The following THY1 variants were observed in gnomAD, a reference collection of about 807,000 sequenced individuals.
THY1 encodes the protein thy-1 membrane glycoprotein.
THY1 carries 10 observed loss-of-function variants against 14.9 expected under a neutral mutation model. That is an observed-to-expected ratio of 0.67 (90% confidence interval 0.41 to 1.14). The LOEUF (loss-of-function observed/expected upper bound fraction) is 1.14. THY1 is among the 50% of genes most tolerant of loss of function. THY1 has a pLI of 0.00. For synonymous variants in THY1, 80 were observed against 90.0 expected, an observed-to-expected ratio of 0.89 and a Z score of 0.63; for missense variants, 159 against 202.1, an observed-to-expected ratio of 0.79 and a Z score of 1.29.
At position 119,418,458 on chromosome 11, in the gene THY1, G is replaced by A. The variant is rs531144321; in HGVS notation, c.*950C>T. ...AGGGGCTGGCACTGATGGGCGAGGG[G>A]AGGAAGTGCCTCCCTTAGAAACTTG... On this transcript the variant is annotated 3_prime_UTR_variant, in exon 4 of 4. Transcript: ENST00000284240. 2 of 152,358 alleles carry A rather than the reference G, an allele frequency of 1.3e-5. No homozygotes were observed. The highest frequency in any genetic ancestry group is 2.9e-5 in the Non-Finnish European group (2 of 68,168). 9.4% of individuals were successfully genotyped at this position (152,358 alleles called of 1,614,324 possible).
Position 119,419,512 on chromosome 11 carries a change from C to T in THY1, c.382G>A (p.Val128Ile). 1 of 1,613,026 alleles carries T rather than the reference C, an allele frequency of 6.2e-7. No individual in the cohort carries two copies. Among genetic ancestry groups the T allele is most frequent in the South Asian group, 1.1e-5 (1 of 91,016 alleles). Residue 128 changes from valine (V) to isoleucine (I), a missense_variant, in exon 4 of 4, where the codon GTC becomes ATC. Physicochemically the swap from Val to Ile is conservative, Grantham distance 29. Coordinates refer to ENST00000284240, the MANE Select transcript of THY1 (RefSeq NM_006288.5). ...QNVTVLRDKL[V>I]KCEGISLLAQ... ...AGCAGGCTGATGCCCTCACACTTGA[C>T]CAGTTTGTCTGCAGAAAGAGAAGGG...
rs1217139031 is a variant in THY1, at chr11:119,422,293, G to A, written c.-25+820C>T. On this transcript the variant is annotated intron_variant, in intron 1 of 3. Transcript: ENST00000284240. The surrounding 1 kb of genome is among the most constrained non-coding windows in gnomAD (Gnocchi z 7.0). ...GCTTTTGAATCGAGGACTCTTGTTT[G>A]AGATGTTGTGCGGGCTTGGGATCTA... 1 of 152,478 alleles carries A rather than the reference G, an allele frequency of 6.6e-6. No homozygotes were observed. The highest frequency in any genetic ancestry group is 2.4e-5 in the African/African-American group (1 of 41,466). 9.4% of individuals were successfully genotyped at this position (152,478 alleles called of 1,614,324 possible). A position where few individuals can be genotyped will look rare whatever the true frequency, so the allele number is the denominator to read the frequency against.
At chr11:119,423,616 G>T (rs180930657), upstream of THY1, 723 of 198,786 alleles carry the variant, frequency 3.6e-3, 7 homozygotes, top group African/African-American at 0.016. Context: ...CTCCTCCGGA[G>T]CCTCCAGTGA....
intron 1 of THY1, 65 bp from the exon 2 acceptor site, chr11:119,420,994 C>T: frequency 3.3e-6 from 5 of 1,505,026 alleles, no homozygotes; most frequent in Non-Finnish European, 4.6e-6. Flanking sequence ...GCTGGGGGTC[C>T]CTGGGAACAT....
At chr11:119,421,005 G>A in intron 1 of THY1, 76 bp from the exon 2 acceptor site, 1 of 1,385,632 alleles carries the variant, frequency 7.2e-7, no homozygotes, top group Non-Finnish European at 1.0e-6. Flanking sequence ...CTGGGAACAT[G>A]GCATAGTGGC....
In THY1 at chr11:119,422,731, A is replaced by G. The variant is rs3138088; in HGVS notation, c.-25+382T>C. Among the ~76,000 whole-genome samples the G allele has an allele frequency of 0.26, 39,498 of 151,636 alleles. 5,390 individuals are homozygous for G. Among genetic ancestry groups the G allele is most frequent in the Admixed American group, 0.32 (4,875 of 15,254 alleles). On this transcript the variant is annotated intron_variant, in intron 1 of 3. Transcript: ENST00000284240. This position sits in a 1 kb window ranked among gnomAD's most constrained non-coding sequence, Gnocchi z 7.0. ...GATTCCCTCTAGCTCGCCATCCTCC[A>G]TCCTCTCCCCGCAGTTTCATCCGTC...
upstream of THY1, chr11:119,423,819 C>T (rs1448526138): frequency 2.6e-5 from 4 of 153,130 alleles, no homozygotes; most frequent in Non-Finnish European, 5.8e-5. Flanking sequence ...TTGCTCTGGG[C>T]ATTACGTCTT....
upstream of THY1, chr11:119,423,744 C>CA (rs543545094): frequency 6.5e-6 from 1 of 154,920 alleles, no homozygotes; most frequent in South Asian, 2.0e-4. Context: ...CCCTGGTCCC[C>CA]AGCCCCATTT....
chr11:119,419,924 G>T, intron 3 of THY1, 127 bp downstream of exon 3: 1 of 1,038,758 alleles, frequency 9.6e-7, no homozygotes, highest in Non-Finnish European at 1.4e-6. Flanking sequence ...AGTTGACCAG[G>T]CAGCAGTTGG....
In THY1 at chr11:119,419,792, C is replaced by T. The variant is rs189466920; in HGVS notation, c.373+259G>A. The T allele has an allele frequency of 1.4e-3, 813 of 600,232 alleles. 10 individuals are homozygous for T. The South Asian group carries it at 0.016, about 12-fold the overall frequency. 37.2% of individuals were successfully genotyped at this position (600,232 alleles called of 1,614,324 possible). A position where few individuals can be genotyped will look rare whatever the true frequency, so the allele number is the denominator to read the frequency against. ...GGAGGTGGTGTCATCCCTGTTTTCC[C>T]GCTGGGAGAAGGAAGATTAGGGAGG... On this transcript the variant is annotated intron_variant, in intron 3 of 3. Transcript: ENST00000284240.
In THY1 at chr11:119,420,065, A is replaced by G. The variant is rs1861865505; in HGVS notation, c.359T>C (p.Val120Ala). Residue 120 changes from valine (V) to alanine (A), a missense_variant, in exon 3 of 4, where the codon GTC becomes GCC. Physicochemically the swap from Val to Ala is moderately conservative, Grantham distance 64. Coordinates refer to ENST00000284240, the MANE Select transcript of THY1 (RefSeq NM_006288.5). ...GCTTGTCTCACCTCTGAGCACTGTG[A>G]CGTTCTGGGAGGAGATGGGTGGGGA... ...GHSPPISSQN[V>A]TVLRDKLVKC... The G allele has an allele frequency of 6.2e-7, 1 of 1,613,018 alleles. No individual in the cohort carries two copies. The highest frequency in any genetic ancestry group is 1.6e-4 in the Middle Eastern group (1 of 6,062).
chr11:119,419,223 G>T lies in THY1; in HGVS notation c.*185C>A. On this transcript the variant is annotated 3_prime_UTR_variant, in exon 4 of 4. Coordinates refer to ENST00000284240, the MANE Select transcript of THY1 (RefSeq NM_006288.5). ...AAAGACAGCCAGAGGTGTGCGGAGA[G>T]GGTGAGGTGGCCGCGTGGACGTGGG... 1.5e-6 allele frequency: 1 copy of T among 675,490 alleles called. No homozygotes were observed. The allele number at this position is 675,490 out of a possible 1,614,324, so 41.8% of individuals were successfully genotyped here. A position where few individuals can be genotyped will look rare whatever the true frequency, so the allele number is the denominator to read the frequency against.
intron 2 of THY1, 43 bp downstream of exon 2, chr11:119,420,826 A>AG: frequency 6.2e-7 from 1 of 1,613,276 alleles, no homozygotes; most frequent in South Asian, 1.1e-5. Context: ...GAGGGAAGGA[A>AG]GCCAGGGCGC....
In THY1 at chr11:119,416,728, A is replaced by G. The variant is rs1472305690; in HGVS notation, c.*2680T>C. Among the ~76,000 whole-genome samples the G allele has an allele frequency of 6.6e-6, 1 of 152,160 alleles. No individual in the cohort carries two copies. Among genetic ancestry groups the G allele is most frequent in the Non-Finnish European group, 1.5e-5 (1 of 68,026 alleles). Reference sequence around the variant, plus strand: ...ATCCGCCTCTTCCCAAAGTGGTGGGATTACAGGCATGAGCCACTGTGCCCA... The same window carrying G: ...ATCCGCCTCTTCCCAAAGTGGTGGGGTTACAGGCATGAGCCACTGTGCCCA... On this transcript the variant is annotated 3_prime_UTR_variant, in exon 4 of 4. Transcript: ENST00000284240.
upstream of THY1, chr11:119,424,274 G>C (rs1411234344): frequency 1.3e-5 from 2 of 152,264 alleles, no homozygotes; most frequent in East Asian, 3.8e-4. Context: ...TTTAGAGACA[G>C]TGCTGATGAC....
rs1225403276 is a variant in THY1 at position 119,415,588 on chromosome 11, C to A, written c.*3820G>T. ...CACTGCTGGGCACCTCCAGCCATCA[C>A]AGCCCCTTCCTGGTGCAGAGCCACA... is the stretch of plus-strand genomic sequence containing the variant. On this transcript the variant is annotated 3_prime_UTR_variant, in exon 4 of 4. Coordinates refer to ENST00000284240, the MANE Select transcript of THY1 (RefSeq NM_006288.5). 6.6e-6 allele frequency among the ~76,000 whole-genome samples: 1 copy of A among 152,242 alleles called. No individual in the cohort carries two copies. Among genetic ancestry groups the A allele is most frequent in the East Asian group, 1.9e-4 (1 of 5,192 alleles).
chr11:119,423,796 C>T (rs1252554094), upstream of THY1: 1 of 153,160 alleles, frequency 6.5e-6, no homozygotes, highest in Non-Finnish European at 1.5e-5. Flanking sequence ...CTTCAGGGGG[C>T]TGCAGGCGCT....
intron 1 of THY1, 88 bp downstream of exon 1, chr11:119,423,025 C>T (rs958597583): frequency 1.8e-4 from 80 of 455,886 alleles, no homozygotes; most frequent in African/African-American, 1.5e-3. Flanking sequence ...GCCCTCGGAC[C>T]GTGGCCCGAA....
In THY1 at chr11:119,416,067, C is replaced by G. The variant is rs1397495621; in HGVS notation, c.*3341G>C. Among the ~76,000 whole-genome samples the G allele has an allele frequency of 6.6e-6, 1 of 152,166 alleles. No individual in the cohort carries two copies. Among genetic ancestry groups the G allele is most frequent in the East Asian group, 1.9e-4 (1 of 5,194 alleles). On this transcript the variant is annotated 3_prime_UTR_variant, in exon 4 of 4. Coordinates refer to ENST00000284240, the MANE Select transcript of THY1 (RefSeq NM_006288.5). Reference sequence around the variant, plus strand: ...GGTTGGCCAGTGAAAGTCCCCACATCTCACGGAGATCCCCATGCCCTTCCC... The same window carrying G: ...GGTTGGCCAGTGAAAGTCCCCACATGTCACGGAGATCCCCATGCCCTTCCC...
Sources: gnomAD v4.1 joint callset for allele counts (sites outside exome capture counted in the v4.1 genomes callset) on GRCh38, gnomAD v4.1.1 for gene constraint, Gnocchi (gnomAD v3.1) non-coding constraint, MANE v1.5 for transcripts, NCBI Gene and HGNC (gene_info 2026-07-23, HGNC 2026-07-21) for gene names.